BMF: variants seen among roughly 807,000 people sequenced by gnomAD.
BMF encodes the protein bcl-2-modifying factor.
In BMF, 10 loss-of-function variants were observed where a neutral mutation model predicts 22.0. The ratio of observed to expected loss-of-function variants is 0.45; its 90% CI spans 0.28 to 0.77. The LOEUF (loss-of-function observed/expected upper bound fraction) is 0.77. Ranked by LOEUF, BMF falls within the 30% of genes least tolerant of loss-of-function variation. BMF has a pLI of 0.13. For missense variants in BMF, 206 were observed against 226.8 expected (o/e 0.91, Z 0.59); for synonymous variants, 87 against 88.1 (o/e 0.99, Z 0.07).
At chr15:40,102,972 C>T (rs891539752) in intron 4 of BMF, among the ~76,000 whole-genome samples, 4 of 152,210 alleles carry the variant, frequency 2.6e-5, no homozygotes, top group African/African-American at 7.2e-5. Flanking sequence ...CAGGCCCAGA[C>T]CTGGCCCCAA....
chr15:40,106,298 T>C lies in BMF; in HGVS notation c.-5-207A>G. ...GGACTGCCTGAATGTTCAGGGGCTCTCCACACCTCTTCCCTGGGCCCGCCT... is the reference window on the plus strand; with the variant it reads ...GGACTGCCTGAATGTTCAGGGGCTCCCCACACCTCTTCCCTGGGCCCGCCT... On this transcript the variant is annotated intron_variant, in intron 2 of 4. Transcript: ENST00000354670. This position sits in a 1 kb window ranked among gnomAD's most constrained non-coding sequence, Gnocchi z 4.1. The C allele has an allele frequency of 3.8e-6, 2 of 526,820 alleles. No individual in the cohort carries two copies. The highest frequency in any genetic ancestry group is 1.9e-5 in the African/African-American group (1 of 51,598). 32.6% of individuals were successfully genotyped at this position (526,820 alleles called of 1,614,324 possible).
Position 40,106,157 on chromosome 15 carries a change from C to T in BMF, c.-5-66G>A. 6.7e-7 allele frequency: 1 copy of T among 1,489,248 alleles called. No homozygotes were observed. Among genetic ancestry groups the T allele is most frequent in the Non-Finnish European group, 8.9e-7 (1 of 1,119,304 alleles). 92.3% of individuals were successfully genotyped at this position (1,489,248 alleles called of 1,614,324 possible). ...CAGGGCCATACCTGGAAGGACTCCC[C>T]TTCCCTTCTTCCTACCATACTCCCC... On this transcript the variant is annotated intron_variant, in intron 2 of 4. Transcript: ENST00000354670. This position sits in a 1 kb window ranked among gnomAD's most constrained non-coding sequence, Gnocchi z 4.1.
In BMF at chr15:40,104,229, C is replaced by T. The variant is rs760034128; in HGVS notation, c.404G>A (p.Arg135Gln). Residue 135 changes from arginine (R) to glutamine (Q), a missense_variant, in exon 4 of 5, where the codon CGA (arginine) becomes CAA (glutamine). Physicochemically the swap from Arg to Gln is conservative, Grantham distance 43 (BLOSUM62 1). Coordinates refer to ENST00000354670, the MANE Select transcript of BMF (RefSeq NM_001003940.2). The part of the protein sequence containing the change: ...WQHQAEVQIA[R>Q]KLQCIADQFH... ...CTGGTCTGCAATGCACTGAAGCTTT[C>T]GGGCAATCTGTACCTCTGCTTGATG... 11 of 1,614,092 alleles carry T rather than the reference C, an allele frequency of 6.8e-6. No individual in the cohort carries two copies. Among genetic ancestry groups the T allele is most frequent in the Admixed American group, 3.3e-5 (2 of 60,010 alleles).
intron 4 of BMF, among the ~76,000 whole-genome samples, chr15:40,097,998 C>A (rs2036401114): frequency 6.6e-6 from 1 of 152,202 alleles, no homozygotes; most frequent in African/African-American, 2.4e-5. Flanking sequence ...ACCCAGTGGG[C>A]CCACTGCCTC....
intron 4 of BMF, among the ~76,000 whole-genome samples, chr15:40,093,683 G>A (rs752447957): frequency 1.3e-5 from 2 of 152,172 alleles, no homozygotes; most frequent in Non-Finnish European, 2.9e-5. Context: ...CAGTCTGCTG[G>A]AATTCCAGTT....
At position 40,104,180 on chromosome 15, in the gene BMF, TTGC is replaced by T. The variant is rs764640125; in HGVS notation, c.450_452del (p.Gln151del). On this transcript the variant is annotated inframe_deletion and splice_region_variant, in exon 4 of 5. Coordinates refer to ENST00000354670, the MANE Select transcript of BMF (RefSeq NM_001003940.2). ...TCCTCCCCTAAACCCCCGTGCCTAC[TTGC>T]TGCACATGAAGCCGGTGGAACTGGT... 12 of 1,614,104 alleles carry T rather than the reference TTGC, an allele frequency of 7.4e-6. No individual in the cohort carries two copies. The African/African-American group carries it at 1.2e-4, about 16-fold the overall frequency.
At chr15:40,094,805 T>G (rs190205674) in intron 4 of BMF, among the ~76,000 whole-genome samples, 2 of 152,336 alleles carry the variant, frequency 1.3e-5, no homozygotes, top group East Asian at 1.9e-4. Context: ...GTAGAAATAT[T>G]GGAAAATACA....
rs1204427299 is a variant in BMF at position 40,091,540 on chromosome 15, C to G, written c.*247G>C. 4.5e-6 allele frequency: 2 copies of G among 441,616 alleles called. No individual in the cohort carries two copies. Among genetic ancestry groups the G allele is most frequent in the Non-Finnish European group, 8.1e-6 (2 of 247,378 alleles). 27.4% of individuals were successfully genotyped at this position (441,616 alleles called of 1,614,324 possible). A position where few individuals can be genotyped will look rare whatever the true frequency, so the allele number is the denominator to read the frequency against. ...CAGAGCCCTTGGGAATTCTCACCAT[C>G]ACAGACACATCAGCCTCTCCTTCAA... On this transcript the variant is annotated 3_prime_UTR_variant, in exon 5 of 5. Transcript: ENST00000354670.
Position 40,091,906 on chromosome 15 carries a change from A to G in BMF, c.454-18T>C. 1 of 1,559,916 alleles carries G rather than the reference A, an allele frequency of 6.4e-7. No homozygotes were observed. The highest frequency in any genetic ancestry group is 8.7e-7 in the Non-Finnish European group (1 of 1,147,026). On this transcript the variant is annotated intron_variant, in intron 4 of 4. Coordinates refer to ENST00000354670, the MANE Select transcript of BMF (RefSeq NM_001003940.2). Reference sequence around the variant, plus strand: ...TGCTGGTGCTGAAGGGAGAAAAAAAAAAAAGACCAACATAACTCCCAAACG... The same window carrying G: ...TGCTGGTGCTGAAGGGAGAAAAAAAGAAAAGACCAACATAACTCCCAAACG...
In BMF at chr15:40,089,470, A is replaced by G. The variant is rs2036194416; in HGVS notation, c.*2317T>C. Reference sequence around the variant, plus strand: ...ACAGTGAGTGAGTTCCTGGCTTTGCATAAGATGGAGACAGTGCAGTCAGAC... The same window carrying G: ...ACAGTGAGTGAGTTCCTGGCTTTGCGTAAGATGGAGACAGTGCAGTCAGAC... On this transcript the variant is annotated 3_prime_UTR_variant, in exon 5 of 5. Transcript: ENST00000354670. 1 of 152,246 alleles carries G rather than the reference A, an allele frequency of 6.6e-6. No individual in the cohort carries two copies. The highest frequency in any genetic ancestry group is 2.4e-5 in the African/African-American group (1 of 41,454). The allele number at this position is 152,246 out of a possible 1,614,324, so 9.4% of individuals were successfully genotyped here. A position where few individuals can be genotyped will look rare whatever the true frequency, so the allele number is the denominator to read the frequency against.
chr15:40,106,430 G>T lies in BMF; in HGVS notation c.-5-339C>A, dbSNP rs1011740152. On this transcript the variant is annotated intron_variant, in intron 2 of 4. Transcript: ENST00000354670. The surrounding 1 kb of genome is among the most constrained non-coding windows in gnomAD (Gnocchi z 4.1). ...GAGTAGAATCAGCAGCTATATGCAT[G>T]CAGGGTACCTGGGAAAATATAAACA... 3.5e-5 allele frequency: 8 copies of T among 227,494 alleles called. No homozygotes were observed. Among genetic ancestry groups the T allele is most frequent in the Non-Finnish European group, 7.0e-5 (8 of 114,586 alleles). 14.1% of individuals were successfully genotyped at this position (227,494 alleles called of 1,614,324 possible). A position where few individuals can be genotyped will look rare whatever the true frequency, so the allele number is the denominator to read the frequency against.
In BMF at chr15:40,091,465, C is replaced by T. The variant is rs575916694; in HGVS notation, c.*322G>A. On this transcript the variant is annotated 3_prime_UTR_variant, in exon 5 of 5. Transcript: ENST00000354670. Reference sequence around the variant, plus strand: ...TCCACTTCCCAGAGAACATCACTAACGGATCATCTTCGACAACTGGTAGAT... The same window carrying T: ...TCCACTTCCCAGAGAACATCACTAATGGATCATCTTCGACAACTGGTAGAT... 61 of 238,466 alleles carry T rather than the reference C, an allele frequency of 2.6e-4. 1 individual carries two copies. The South Asian group carries it at 5.4e-3, about 21-fold the overall frequency. 14.8% of individuals were successfully genotyped at this position (238,466 alleles called of 1,614,324 possible). A position where few individuals can be genotyped will look rare whatever the true frequency, so the allele number is the denominator to read the frequency against.
intron 4 of BMF, among the ~76,000 whole-genome samples, chr15:40,102,231 C>T (rs1322763757): frequency 1.3e-5 from 2 of 152,004 alleles, no homozygotes; most frequent in African/African-American, 4.8e-5. Context: ...GAGTTCGAGA[C>T]CAGCCTGGCT....
intron 4 of BMF, among the ~76,000 whole-genome samples, chr15:40,101,236 C>T (rs562304630): frequency 1.2e-4 from 18 of 152,134 alleles, no homozygotes; most frequent in South Asian, 2.1e-4. Flanking sequence ...CAAGAACAAA[C>T]GTCGGGGGTG....
At chr15:40,092,012 A>G (rs747884763) in intron 4 of BMF, 124 bp from the exon 5 acceptor site, 4 of 705,016 alleles carry the variant, frequency 5.7e-6, no homozygotes, top group East Asian at 2.7e-5. Flanking sequence ...TCCTATCAGT[A>G]CAGCTCACAG....
At chr15:40,099,537 G>A (rs915897055) in intron 4 of BMF, among the ~76,000 whole-genome samples, 1 of 152,150 alleles carries the variant, frequency 6.6e-6, no homozygotes, top group Non-Finnish European at 1.5e-5. Flanking sequence ...CCAGCACTTT[G>A]GGAGGCCGAG....
At chr15:40,099,867 T>G (rs575518279) in intron 4 of BMF, among the ~76,000 whole-genome samples, 22 of 152,204 alleles carry the variant, frequency 1.4e-4, no homozygotes, top group Admixed American at 9.2e-4. Flanking sequence ...GCTGGGATTT[T>G]AACAGATCTG....
At chr15:40,105,655 C>T (rs1454176559) in intron 3 of BMF, 140 bp downstream of exon 3, 2 of 1,060,320 alleles carry the variant, frequency 1.9e-6, no homozygotes, top group Admixed American at 4.7e-5. Flanking sequence ...AGCCGAGAGG[C>T]AGCAGGTGGA....
At chr15:40,098,308 C>A (rs76937327) in intron 4 of BMF, among the ~76,000 whole-genome samples, 1 of 152,146 alleles carries the variant, frequency 6.6e-6, no homozygotes, top group South Asian at 2.1e-4. Flanking sequence ...TGTCCCCAGA[C>A]CCTTGTTTTG....
Sources: gnomAD v4.1 joint callset for allele counts (sites outside exome capture counted in the v4.1 genomes callset) on GRCh38, gnomAD v4.1.1 for gene constraint, Gnocchi (gnomAD v3.1) non-coding constraint, MANE v1.5 for transcripts, NCBI Gene and HGNC (gene_info 2026-07-23, HGNC 2026-07-21) for gene names.